The following LUZP1 variants were observed in gnomAD, a reference collection of about 807,000 sequenced individuals.
LUZP1 encodes the protein filamin mechanobinding actin cross-linking protein.
In LUZP1, 25 loss-of-function variants were observed where a neutral mutation model predicts 71.3. That is an observed-to-expected ratio of 0.35 (90% CI 0.26 to 0.49). LUZP1 has a LOEUF of 0.49. LUZP1 is among the 20% of genes least tolerant of loss of function. The probability of loss-of-function intolerance (pLI) is 0.99; values close to 1 mark genes in which losing one functional copy is unlikely to be tolerated. For missense variants in LUZP1, 1,142 were observed against 1,300.8 expected, an observed-to-expected ratio of 0.88 and a Z score of 1.88; for synonymous variants, 481 against 506.4, an observed-to-expected ratio of 0.95 and a Z score of 0.67.
chr1:23,106,040 C>T (rs1004819409), intron 3 of LUZP1, among the ~76,000 whole-genome samples: 4 of 152,012 alleles, frequency 2.6e-5, no homozygotes, highest in Admixed American at 2.0e-4. Flanking sequence ...GGATAATGTG[C>T]TTTTTTTCTG....
At chr1:23,134,963 C>T (rs889644648) in intron 2 of LUZP1, among the ~76,000 whole-genome samples, 9 of 152,098 alleles carry the variant, frequency 5.9e-5, no homozygotes, top group African/African-American at 1.7e-4. Context: ...AGTAGCTATT[C>T]TTCCTCATGC....
chr1:23,170,386 G>A (rs6691108), intron 1 of LUZP1, among the ~76,000 whole-genome samples: 23,285 of 151,470 alleles, frequency 0.15, 2,125 homozygotes, highest in South Asian at 0.33. Context: ...CTAAGATACT[G>A]TATGGAAAAC....
chr1:23,142,700 TACACACACACAC>T lies in LUZP1; in HGVS notation c.-226+26054_-226+26065del, dbSNP rs60316911. Reference sequence around the variant, plus strand: ...TGGGTGCATAAAATATATATATATATACACACACACACACACACACACACACACACACACACA... The same window carrying T: ...TGGGTGCATAAAATATATATATATATACACACACACACACACACACACACA... On this transcript the variant is annotated intron_variant, in intron 2 of 4. Transcript: ENST00000302291. Among the ~76,000 whole-genome samples the T allele has an allele frequency of 2.5e-3, 258 of 104,368 alleles. 4 individuals carry two copies. Among genetic ancestry groups the T allele is most frequent in the African/African-American group, 8.9e-3 (224 of 25,310 alleles). The allele number at this position is 104,368 out of a possible 152,430, so 68.5% of individuals were successfully genotyped here.
chr1:23,166,048 CAAAAAA>C lies in LUZP1; in HGVS notation c.-226+2712_-226+2717del, dbSNP rs76454136. 1.0e-4 allele frequency among the ~76,000 whole-genome samples: 10 copies of C among 98,560 alleles called. No homozygotes were observed. In the East Asian group the frequency reaches 2.2e-3, roughly 22 times the overall value. The allele number at this position is 98,560 out of a possible 152,430, so 64.7% of individuals were successfully genotyped here. A position where few individuals can be genotyped will look rare whatever the true frequency, so the allele number is the denominator to read the frequency against. On this transcript the variant is annotated intron_variant, in intron 2 of 4. Coordinates refer to ENST00000302291, the Ensembl canonical transcript of LUZP1. ...CAGCCTTATATGTTTGTCTTTTTAC[CAAAAAA>C]AAAAAAAAAAAGAAAAGAAAAACAG...
chr1:23,142,893 C>T (rs932726018), intron 2 of LUZP1, among the ~76,000 whole-genome samples: 7 of 151,948 alleles, frequency 4.6e-5, no homozygotes, highest in South Asian at 4.2e-4. Flanking sequence ...AGGCCAGGCA[C>T]GGTGGCTCAT....
chr1:23,123,860 C>A (rs192166113), intron 2 of LUZP1, among the ~76,000 whole-genome samples: 3 of 152,222 alleles, frequency 2.0e-5, no homozygotes, highest in African/African-American at 7.2e-5. Flanking sequence ...CTTGATTATT[C>A]CCAAGAGTAG....
intron 2 of LUZP1, among the ~76,000 whole-genome samples, chr1:23,114,922 T>C (rs754944924): frequency 3.9e-5 from 6 of 152,234 alleles, no homozygotes; most frequent in Non-Finnish European, 7.3e-5. Context: ...GATATACTAT[T>C]GTCCTTTCCA....
At chr1:23,150,513 T>C (rs1321559001) in intron 2 of LUZP1, among the ~76,000 whole-genome samples, 3 of 152,182 alleles carry the variant, frequency 2.0e-5, no homozygotes, top group Non-Finnish European at 4.4e-5. Context: ...CTTAGGACTT[T>C]GCTCACATTT....
intron 2 of LUZP1, among the ~76,000 whole-genome samples, chr1:23,114,888 C>A (rs1180892527): frequency 6.6e-6 from 1 of 152,108 alleles, no homozygotes; most frequent in Non-Finnish European, 1.5e-5. Flanking sequence ...AACAAAAAGG[C>A]CAGACTAAAT....
chr1:23,117,809 A>G (rs1644097535), intron 2 of LUZP1, among the ~76,000 whole-genome samples: 1 of 152,076 alleles, frequency 6.6e-6, no homozygotes, highest in South Asian at 2.1e-4. Flanking sequence ...AACAAACAGG[A>G]GGCTGGGCAC....
chr1:23,092,445 G>A, exon 4 of LUZP1: 2 of 1,614,216 alleles, frequency 1.2e-6, no homozygotes, highest in South Asian at 2.2e-5. Flanking sequence ...ACAGCTATAA[G>A]GATACTTCGA....
At chr1:23,142,047 T>C (rs1644307298) in intron 2 of LUZP1, among the ~76,000 whole-genome samples, 5 of 152,020 alleles carry the variant, frequency 3.3e-5, no homozygotes, top group Non-Finnish European at 7.4e-5. Flanking sequence ...GGTTTCTCCA[T>C]GTTGGTCAGA....
intron 3 of LUZP1, among the ~76,000 whole-genome samples, chr1:23,098,681 AT>A (rs1643909311): frequency 6.6e-6 from 1 of 152,214 alleles, no homozygotes; most frequent in Admixed American, 6.5e-5. Context: ...ATGTCGTCCA[AT>A]AAGATCACAT....
At chr1:23,107,444 A>C (rs1353624180) in intron 3 of LUZP1, among the ~76,000 whole-genome samples, 1 of 152,204 alleles carries the variant, frequency 6.6e-6, no homozygotes, top group Non-Finnish European at 1.5e-5. Flanking sequence ...AGCGTGTAGT[A>C]AGTGGCCATT....
rs181442637 is a variant in LUZP1 at position 23,120,588 on chromosome 1, C to G, written c.-225-11461G>C. Among the ~76,000 whole-genome samples, 47 of 152,054 alleles carry G rather than the reference C, an allele frequency of 3.1e-4. 1 individual carries two copies. In the East Asian group the frequency reaches 8.5e-3, roughly 28 times the overall value. ...GCCCAGGCTGGTCTTGAACTCCTGG[C>G]CTCAAACGATCCTCTTCTCTCGACC... On this transcript the variant is annotated intron_variant, in intron 2 of 4. Coordinates refer to ENST00000302291, the Ensembl canonical transcript of LUZP1.
chr1:23,154,962 T>G (rs1644411180), intron 2 of LUZP1, among the ~76,000 whole-genome samples: 1 of 152,142 alleles, frequency 6.6e-6, no homozygotes, highest in Non-Finnish European at 1.5e-5. Flanking sequence ...ACTTTAAAAC[T>G]GCCCTAGGAT....
intron 3 of LUZP1, among the ~76,000 whole-genome samples, chr1:23,104,211 G>A (rs1384406249): frequency 2.0e-5 from 3 of 147,430 alleles, no homozygotes; most frequent in Non-Finnish European, 4.5e-5. Flanking sequence ...ACGGAATCTC[G>A]TTCCATCGTC....
At chr1:23,103,882 GAGA>G (rs1643955389) in intron 3 of LUZP1, among the ~76,000 whole-genome samples, 1 of 8,558 alleles carries the variant, frequency 1.2e-4, no homozygotes, top group African/African-American at 4.6e-4. Context: ...GAGGGAGGGA[GAGA>G]GGGAGAGAGG....
chr1:23,090,601 AAT>A, intron 4 of LUZP1: 1 of 519,370 alleles, frequency 1.9e-6, no homozygotes, highest in Non-Finnish European at 3.4e-6. Flanking sequence ...TCAGACTGAT[AAT>A]ATGAGACAGA....
Sources: gnomAD v4.1 joint callset for allele counts (sites outside exome capture counted in the v4.1 genomes callset) on GRCh38, gnomAD v4.1.1 for gene constraint, MANE v1.5 for transcripts, NCBI Gene and HGNC (gene_info 2026-07-23, HGNC 2026-07-21) for gene names.